DMD: variants seen among roughly 807,000 people sequenced by gnomAD.
DMD encodes the protein mutant dystrophin.
A neutral mutation model predicts 330.1 loss-of-function variants in DMD; 63 were observed. That is an observed-to-expected ratio of 0.19 (90% CI 0.16 to 0.24). The LOEUF (loss-of-function observed/expected upper bound fraction) is 0.24, where lower values mean the gene tolerates loss of function less well. DMD is among the 10% of genes least tolerant of loss of function. The pLI is 1.00. For synonymous variants in DMD, 1,223 were observed against 959.8 expected, an observed-to-expected ratio of 1.27 and a Z score of -5.07; for missense variants, 3,344 against 2,684.1, an observed-to-expected ratio of 1.25 and a Z score of -5.43.
intron 44 of DMD, among the ~76,000 whole-genome samples, chrX:32,093,911 C>T (rs926536155): frequency 6.3e-5 from 7 of 110,455 alleles, no homozygotes; most frequent in Non-Finnish European, 1.3e-4. Context: ...GTCATTTTAA[C>T]CCTCCTTTAA....
At chrX:32,909,305 T>G (rs2149329949) in intron 2 of DMD, among the ~76,000 whole-genome samples, 1 of 111,408 alleles carries the variant, frequency 9.0e-6, no homozygotes, top group African/African-American at 3.3e-5. Flanking sequence ...AACCTTCTAG[T>G]CAAACTCCAG....
intron 2 of DMD, among the ~76,000 whole-genome samples, chrX:32,968,322 T>C (rs186643419): frequency 1.8e-5 from 2 of 110,878 alleles, no homozygotes; most frequent in East Asian, 5.7e-4. Context: ...TTTTAAAACA[T>C]GAAATAGCTA....
At chrX:31,368,319 A>T (rs756236524) in intron 60 of DMD, among the ~76,000 whole-genome samples, 1 of 112,149 alleles carries the variant, frequency 8.9e-6, no homozygotes, top group African/African-American at 3.2e-5. Flanking sequence ...TTATACTTAG[A>T]TTTTCTACAT....
chrX:32,768,635 C>A (rs1424831442), intron 7 of DMD, among the ~76,000 whole-genome samples: 2 of 111,905 alleles, frequency 1.8e-5, no homozygotes, highest in Non-Finnish European at 3.8e-5. Context: ...TACTGACATT[C>A]CTTCATTTTA....
chrX:32,949,280 A>G (rs12837368), intron 2 of DMD, among the ~76,000 whole-genome samples: 1 of 101,570 alleles, frequency 9.8e-6, no homozygotes, highest in South Asian at 4.1e-4. Flanking sequence ...ACACACACAC[A>G]CACACACACA....
chrX:32,171,976 A>T (rs933792093), intron 44 of DMD, among the ~76,000 whole-genome samples: 1 of 111,431 alleles, frequency 9.0e-6, no homozygotes, highest in Admixed American at 9.6e-5. Flanking sequence ...TTCTCTATTA[A>T]GATAAAGGAC....
At chrX:32,292,169 C>T (rs2148482612) in intron 42 of DMD, among the ~76,000 whole-genome samples, 1 of 110,258 alleles carries the variant, frequency 9.1e-6, no homozygotes, top group African/African-American at 3.3e-5. Context: ...GTACTACAAC[C>T]CCTGCACTCA....
At chrX:32,134,164 A>G (rs1231745023) in intron 44 of DMD, among the ~76,000 whole-genome samples, 1 of 111,210 alleles carries the variant, frequency 9.0e-6, no homozygotes, top group Non-Finnish European at 1.9e-5. Flanking sequence ...TTTTGAACAT[A>G]CTATACAATA....
intron 44 of DMD, among the ~76,000 whole-genome samples, chrX:32,100,931 CATTT>C (rs1451875909): frequency 7.2e-5 from 8 of 111,510 alleles, no homozygotes; most frequent in African/African-American, 2.0e-4. Context: ...CCTATTCATT[CATTT>C]GTCTTTATTT....
At chrX:32,378,974 C>T (rs951444361) in intron 34 of DMD, among the ~76,000 whole-genome samples, 8 of 108,039 alleles carry the variant, frequency 7.4e-5, no homozygotes, top group Non-Finnish European at 5.8e-5. Context: ...CTTAGATCTG[C>T]AGGGCATATA....
At chrX:33,222,947 T>G (rs1264509858) in intron 1 of DMD, among the ~76,000 whole-genome samples, 3 of 112,139 alleles carry the variant, frequency 2.7e-5, no homozygotes, top group Non-Finnish European at 5.6e-5. Flanking sequence ...TCTCAGTAGT[T>G]ACTTTGCAGA....
intron 7 of DMD, among the ~76,000 whole-genome samples, chrX:32,743,956 G>T (rs2069644843): frequency 9.0e-6 from 1 of 110,877 alleles, no homozygotes; most frequent in South Asian, 3.8e-4. Context: ...AAAATATTTG[G>T]TGCCTAATAA....
chrX:31,550,749 C>T (rs1043578719), intron 55 of DMD, among the ~76,000 whole-genome samples: 2 of 111,936 alleles, frequency 1.8e-5, no homozygotes, highest in African/African-American at 6.5e-5. Flanking sequence ...TAACTATATC[C>T]ACTAAAGTCC....
chrX:32,976,690 C>A (rs1321332366), intron 2 of DMD, among the ~76,000 whole-genome samples: 1 of 111,646 alleles, frequency 9.0e-6, no homozygotes, highest in East Asian at 2.8e-4. Flanking sequence ...TTCGAGCTGT[C>A]TACTTCTGTG....
chrX:31,253,645 A>G (rs762355119), intron 63 of DMD, among the ~76,000 whole-genome samples: 20 of 111,949 alleles, frequency 1.8e-4, no homozygotes, highest in African/African-American at 6.5e-4. Flanking sequence ...TTATAATGAT[A>G]TTGATGTATC....
chrX:32,183,185 C>A (rs1292991316), intron 44 of DMD, among the ~76,000 whole-genome samples: 2 of 110,891 alleles, frequency 1.8e-5, no homozygotes, highest in African/African-American at 6.5e-5. Flanking sequence ...ATGATCCCTG[C>A]CAACTTACTC....
At chrX:31,195,279 C>T (rs949900800) in intron 67 of DMD, among the ~76,000 whole-genome samples, 2 of 111,458 alleles carry the variant, frequency 1.8e-5, no homozygotes, top group Admixed American at 9.5e-5. Flanking sequence ...CTGTCCTGAC[C>T]TCAGGCTCTG....
chrX:32,088,300 C>G (rs1326452065), intron 44 of DMD, among the ~76,000 whole-genome samples: 1 of 110,792 alleles, frequency 9.0e-6, no homozygotes. Flanking sequence ...CCCCATTTTA[C>G]AGTTGACGAA....
intron 43 of DMD, among the ~76,000 whole-genome samples, chrX:32,263,786 C>T (rs2097333073): frequency 9.0e-6 from 1 of 111,524 alleles, no homozygotes; most frequent in Non-Finnish European, 1.9e-5. Context: ...ATTATAGACA[C>T]ATTAAAACAT....
Sources: allele counts gnomAD v4.1 joint callset (sites outside exome capture counted in the v4.1 genomes callset), GRCh38; gene constraint gnomAD v4.1.1; transcripts MANE v1.5; gene names NCBI Gene and HGNC (gene_info 2026-07-23, HGNC 2026-07-21).